SLC25A3: variants seen among roughly 807,000 people sequenced by gnomAD.
SLC25A3 encodes solute carrier family 25 member 3.
SLC25A3 carries 14 observed loss-of-function variants against 37.1 expected under a neutral mutation model. The observed-to-expected ratio is 0.38, with a 90% CI of 0.25 to 0.59. SLC25A3 has a LOEUF of 0.59. Ranked by LOEUF, SLC25A3 falls within the 20% of genes least tolerant of loss-of-function variation. SLC25A3 has a pLI of 0.67. For missense variants in SLC25A3, 385 were observed against 458.1 expected (o/e 0.84, Z 1.46); for synonymous variants, 161 against 168.7 (o/e 0.95, Z 0.36).
At chr12:98,600,468 A>G (rs1005847579) in intron 6 of SLC25A3, among the ~76,000 whole-genome samples, 5 of 152,056 alleles carry the variant, frequency 3.3e-5, no homozygotes, top group Non-Finnish European at 7.4e-5. Context: ...GCTGGAGTGC[A>G]GTGGTGCAAT....
chr12:98,604,886 T>G lies in SLC25A3; in HGVS notation c.*3358T>G, dbSNP rs1414662989. 1 of 152,680 alleles carries G rather than the reference T, an allele frequency of 6.5e-6. No homozygotes were observed. The highest frequency in any genetic ancestry group is 1.5e-5 in the Non-Finnish European group (1 of 68,360). The allele number at this position is 152,680 out of a possible 1,614,324, so 9.5% of individuals were successfully genotyped here. On this transcript the variant is annotated 3_prime_UTR_variant, in exon 8 of 8. Coordinates refer to ENST00000552981, the MANE Select transcript of SLC25A3 (RefSeq NM_002635.4). The stretch of plus-strand genomic sequence containing the variant: ...AAGTGATCCTCCCACCTCAGCCTCT[T>G]GAATAACTGGGACTGCAAGTGTGGA...
At position 98,593,961 on chromosome 12, in the gene SLC25A3, C is replaced by G. The variant is rs776008477; in HGVS notation, c.-4-14C>G. 1 of 1,613,868 alleles carries G rather than the reference C, an allele frequency of 6.2e-7. No individual in the cohort carries two copies. The highest frequency in any genetic ancestry group is 2.2e-5 in the East Asian group (1 of 44,854). ...CCTTGCCTGTCCTCTAACCGTCGCT[C>G]CCTCCTCCCCTAGAAAGATGTTCTC... is the stretch of plus-strand genomic sequence containing the variant. On this transcript the variant is annotated splice_polypyrimidine_tract_variant and intron_variant, in intron 1 of 7. Transcript: ENST00000552981.
chr12:98,597,008 GA>G (rs1464616668), intron 3 of SLC25A3, among the ~76,000 whole-genome samples: 1 of 152,178 alleles, frequency 6.6e-6, no homozygotes, highest in Non-Finnish European at 1.5e-5. Context: ...TACAGAGCAA[GA>G]CTCAAAAAAC....
chr12:98,594,220 A>G, intron 2 of SLC25A3, 85 bp downstream of exon 2: 11 of 1,171,442 alleles, frequency 9.4e-6, no homozygotes, highest in Admixed American at 2.0e-5. Flanking sequence ...CTTGGAGGAC[A>G]GGGAAGGACG....
rs968161545 is a variant in SLC25A3, at chr12:98,600,436, G to A, written c.814+309G>A. ...TTGTTTTTTGTTTTTTTTTGAGATG[G>A]AGTTTTACCCTTGTTGCCCAGGCTG... On this transcript the variant is annotated intron_variant, in intron 6 of 7. Coordinates refer to ENST00000552981, the MANE Select transcript of SLC25A3 (RefSeq NM_002635.4). Among the ~76,000 whole-genome samples, 3 of 150,778 alleles carry A rather than the reference G, an allele frequency of 2.0e-5. No homozygotes were observed. The South Asian group carries it at 6.3e-4, about 32-fold the overall frequency.
chr12:98,599,303 T>C (rs1220924517), intron 5 of SLC25A3, among the ~76,000 whole-genome samples: 3 of 152,172 alleles, frequency 2.0e-5, no homozygotes, highest in Admixed American at 1.3e-4. Context: ...TCCACCCGCC[T>C]CGGCCTCCCA....
intron 2 of SLC25A3, chr12:98,595,341 G>A (rs1260716249): frequency 7.4e-7 from 1 of 1,356,486 alleles, no homozygotes; most frequent in African/African-American, 1.4e-5. Flanking sequence ...TGTGATAATA[G>A]TATCTCACAG....
chr12:98,595,350 A>C (rs930014404), intron 2 of SLC25A3: 1 of 1,487,546 alleles, frequency 6.7e-7, no homozygotes, highest in Non-Finnish European at 9.3e-7. Flanking sequence ...AGTATCTCAC[A>C]GGGAAACATT....
At chr12:98,594,716 G>A (rs904097925) in intron 2 of SLC25A3, 7 of 284,536 alleles carry the variant, frequency 2.5e-5, no homozygotes, top group South Asian at 1.1e-4. Context: ...TATCTCTTGG[G>A]ATTCTTGGTG....
At chr12:98,595,039 T>G in intron 2 of SLC25A3, 1 of 261,026 alleles carries the variant, frequency 3.8e-6, no homozygotes, top group Non-Finnish European at 7.6e-6. Flanking sequence ...GTGGGGATAG[T>G]ATTGGTTAGT....
At chr12:98,593,873 C>T in intron 1 of SLC25A3, 102 bp from the exon 2 acceptor site, 2 of 1,323,908 alleles carry the variant, frequency 1.5e-6, no homozygotes, top group Non-Finnish European at 2.1e-6. Flanking sequence ...TCTTCAAGGG[C>T]GTGGAGACGG....
Position 98,601,659 on chromosome 12 carries a change from TA to T in SLC25A3, c.*133del. ...ATATAATTACTGTAGTACTCTTGCTTAAGGCAAGAGTTTCAGATTTACTGTT... is the reference window on the plus strand; with the variant it reads ...ATATAATTACTGTAGTACTCTTGCTTAGGCAAGAGTTTCAGATTTACTGTT... On this transcript the variant is annotated 3_prime_UTR_variant, in exon 8 of 8. Transcript: ENST00000552981. The T allele has an allele frequency of 1.4e-6, 1 of 698,270 alleles. No individual in the cohort carries two copies. The highest frequency in any genetic ancestry group is 1.6e-5 in the South Asian group (1 of 64,446). 43.3% of individuals were successfully genotyped at this position (698,270 alleles called of 1,614,324 possible).
intron 5 of SLC25A3, 85 bp from the exon 6 acceptor site, chr12:98,599,870 C>T (rs781571603): frequency 3.7e-5 from 52 of 1,422,058 alleles, no homozygotes; most frequent in South Asian, 2.6e-4. Context: ...GGACTCGACT[C>T]GTGTGCGGAC....
In SLC25A3 at chr12:98,594,409, T is replaced by C. The variant is rs1490451240; in HGVS notation, c.157+274T>C. ...GGAAGAGAGGCCGTGACTAGCTCTT[T>C]CTCCGCCGTGAGCTCGCTTGGTCAG... On this transcript the variant is annotated intron_variant, in intron 2 of 7. Coordinates refer to ENST00000552981, the MANE Select transcript of SLC25A3 (RefSeq NM_002635.4). The C allele has an allele frequency of 4.3e-6, 3 of 695,654 alleles. No homozygotes were observed. In the East Asian group the frequency reaches 8.1e-5, roughly 19 times the overall value. The allele number at this position is 695,654 out of a possible 1,614,324, so 43.1% of individuals were successfully genotyped here.
In SLC25A3 at chr12:98,597,584, C is replaced by T. The variant is rs138230223; in HGVS notation, c.280-272C>T. 909 of 388,976 alleles carry T rather than the reference C, an allele frequency of 2.3e-3. 10 individuals are homozygous for T. The highest frequency in any genetic ancestry group is 0.016 in the African/African-American group (794 of 48,334). 24.1% of individuals were successfully genotyped at this position (388,976 alleles called of 1,614,324 possible). ...GATTACAGGTGCACGCCACCATGCC[C>T]GTCCAATTTTTTGTATTTTAGTAGA... On this transcript the variant is annotated intron_variant, in intron 3 of 7. Transcript: ENST00000552981.
rs1332959953 is a variant in SLC25A3, at chr12:98,602,397, C to G, written c.*869C>G. ...CAGGCTGGTCTCGAACTTCCAACCT[C>G]AGGTGATCCGCCCGCCTCAGCCTCC... On this transcript the variant is annotated 3_prime_UTR_variant, in exon 8 of 8. Transcript: ENST00000552981. The G allele has an allele frequency of 6.6e-6, 1 of 152,240 alleles. No homozygotes were observed. The highest frequency in any genetic ancestry group is 6.5e-5 in the Admixed American group (1 of 15,270). 9.4% of individuals were successfully genotyped at this position (152,240 alleles called of 1,614,324 possible).
Position 98,601,564 on chromosome 12 carries a change from T to TG in SLC25A3, c.*37dup. Reference sequence around the variant, plus strand: ...GCAAATGTGGACTGAATCTGCTTGTTGATCAGTGTTGAAGAAAGTGCAAAA... The same window carrying TG: ...GCAAATGTGGACTGAATCTGCTTGTTGGATCAGTGTTGAAGAAAGTGCAAAA... On this transcript the variant is annotated 3_prime_UTR_variant, in exon 8 of 8. Transcript: ENST00000552981. 1 of 1,351,080 alleles carries TG rather than the reference T, an allele frequency of 7.4e-7. No homozygotes were observed. Among genetic ancestry groups the TG allele is most frequent in the Non-Finnish European group, 1.1e-6 (1 of 940,132 alleles). The allele number at this position is 1,351,080 out of a possible 1,614,324, so 83.7% of individuals were successfully genotyped here.
intron 2 of SLC25A3, 166 bp from the exon 3 acceptor site, chr12:98,595,557 GGTTT>G: frequency 1.2e-6 from 2 of 1,614,090 alleles, no homozygotes; most frequent in East Asian, 2.2e-5. Flanking sequence ...GCAGAATGCA[GGTTT>G]GTTTTGCATG....
chr12:98,600,421 T>G (rs1021039674), intron 6 of SLC25A3, among the ~76,000 whole-genome samples: 1 of 149,154 alleles, frequency 6.7e-6, no homozygotes, highest in South Asian at 2.1e-4. Context: ...TTGTTTTTTG[T>G]TTTTTTTTGA....
Sources: gnomAD v4.1 joint callset for allele counts (sites outside exome capture counted in the v4.1 genomes callset) on GRCh38, gnomAD v4.1.1 for gene constraint, MANE v1.5 for transcripts, NCBI Gene and HGNC (gene_info 2026-07-23, HGNC 2026-07-21) for gene names.